ZNF536: variants seen among roughly 807,000 people sequenced by gnomAD.
The protein encoded by ZNF536 is zinc finger protein 536.
A neutral mutation model predicts 84.5 loss-of-function variants in ZNF536; 13 were observed. That is an observed-to-expected ratio of 0.15 (90% CI 0.10 to 0.24). The LOEUF is 0.24. Among genes scored for constraint, ZNF536 ranks in the 10% least tolerant of loss-of-function variants. The pLI, the probability that ZNF536 is intolerant of heterozygous loss-of-function variation, is 1.00. For missense variants in ZNF536, 1,536 were observed against 1,747.5 expected (o/e 0.88, Z 2.16); for synonymous variants, 811 against 742.5 (o/e 1.09, Z -1.50).
chr19:30,374,822 C>T (rs1185488607), intron 1 of ZNF536, among the ~76,000 whole-genome samples: 3 of 150,860 alleles, frequency 2.0e-5, no homozygotes, highest in African/African-American at 7.3e-5. Flanking sequence ...GGGCGGATTG[C>T]GAGCCCCCGC....
At chr19:30,317,931 G>C (rs2046733119) in intron 2 of ZNF536, among the ~76,000 whole-genome samples, 2 of 152,110 alleles carry the variant, frequency 1.3e-5, no homozygotes, top group Admixed American at 6.5e-5. Flanking sequence ...ATAAATATTT[G>C]CTTTCTAGAA....
At chr19:30,446,548 C>A (rs2052358437) in intron 2 of ZNF536, among the ~76,000 whole-genome samples, 1 of 152,110 alleles carries the variant, frequency 6.6e-6, no homozygotes, top group Admixed American at 6.6e-5. Context: ...CCTCCCCAAG[C>A]CAAACCTATC....
intron 1 of ZNF536, among the ~76,000 whole-genome samples, chr19:30,237,802 T>C (rs2023650942): frequency 6.6e-6 from 1 of 152,194 alleles, no homozygotes; most frequent in South Asian, 2.1e-4. Context: ...ATTTAACTTT[T>C]AGGGTTGCTT....
intron 2 of ZNF536, among the ~76,000 whole-genome samples, chr19:30,331,292 TAAAA>T (rs11324495): frequency 1.5e-3 from 64 of 41,738 alleles, no homozygotes; most frequent in African/African-American, 6.1e-3. Context: ...CCCTGTATCT[TAAAA>T]AAAAAAAAAA....
intron 1 of ZNF536, among the ~76,000 whole-genome samples, chr19:30,661,148 C>A (rs1208607201): frequency 2.0e-5 from 3 of 152,090 alleles, no homozygotes; most frequent in African/African-American, 7.2e-5. Context: ...CTTGGAGTTG[C>A]AAGTTGAAAA....
At chr19:30,607,441 C>T (rs973359959) in intron 1 of ZNF536, among the ~76,000 whole-genome samples, 11 of 151,800 alleles carry the variant, frequency 7.2e-5, no homozygotes, top group Admixed American at 2.6e-4. Flanking sequence ...AAAAAGTAGC[C>T]GGGCACAGTG....
At chr19:30,482,059 G>A (rs940073381) in intron 2 of ZNF536, among the ~76,000 whole-genome samples, 13 of 152,068 alleles carry the variant, frequency 8.5e-5, no homozygotes, top group African/African-American at 1.2e-4. Context: ...TTATACTTTC[G>A]TTGATCAGTG....
chr19:30,282,146 C>A (rs1347416336), intron 1 of ZNF536, among the ~76,000 whole-genome samples: 4 of 152,242 alleles, frequency 2.6e-5, no homozygotes, highest in African/African-American at 7.2e-5. Flanking sequence ...ACACCAGGAG[C>A]CTCCTCCTGT....
At chr19:30,602,622 A>G (rs1320676967) in intron 1 of ZNF536, among the ~76,000 whole-genome samples, 3 of 152,200 alleles carry the variant, frequency 2.0e-5, no homozygotes, top group Non-Finnish European at 4.4e-5. Context: ...CCACGTGTGC[A>G]TATTTTCATC....
chr19:30,261,084 G>C (rs1261445459), intron 1 of ZNF536, among the ~76,000 whole-genome samples: 1 of 151,904 alleles, frequency 6.6e-6, no homozygotes, highest in African/African-American at 2.4e-5. Flanking sequence ...GGATCACGAG[G>C]TCAGGAGATC....
chr19:30,514,243 A>G (rs2055539973), intron 2 of ZNF536, among the ~76,000 whole-genome samples: 1 of 152,138 alleles, frequency 6.6e-6, no homozygotes, highest in African/African-American at 2.4e-5. Context: ...TCCACATCCA[A>G]CTGGGTGGTT....
rs113093035 is a variant in ZNF536, at chr19:30,593,011, G to A, written c.169+43497G>A. On this transcript the variant is annotated intron_variant, in intron 1 of 1. Transcript: ENST00000592773. ...CATCTTCTCCCATATACCTGGAGCC[G>A]AACCCTTCATTAGACCTGTTGTAAA... Among the ~76,000 whole-genome samples the A allele has an allele frequency of 7.9e-5, 12 of 152,298 alleles. 1 individual carries two copies. Among genetic ancestry groups the A allele is most frequent in the African/African-American group, 2.6e-4 (11 of 41,574 alleles).
intron 2 of ZNF536, 105 bp from the exon 3 acceptor site, chr19:30,534,742 G>C: frequency 8.7e-7 from 1 of 1,150,988 alleles, no homozygotes; most frequent in Non-Finnish European, 1.2e-6. Context: ...GAAATAGACA[G>C]GTGTAGTATT....
chr19:30,379,295 G>A (rs1363575768), intron 1 of ZNF536, among the ~76,000 whole-genome samples: 1 of 152,112 alleles, frequency 6.6e-6, no homozygotes, highest in Non-Finnish European at 1.5e-5. Context: ...AGCTCCCGGT[G>A]AGGATAAGAA....
chr19:30,598,973 T>TTCCCCCCC (rs1568589308), intron 1 of ZNF536, among the ~76,000 whole-genome samples: 1 of 66,024 alleles, frequency 1.5e-5, no homozygotes, highest in African/African-American at 4.7e-5. Flanking sequence ...CCTTCCCTCC[T>TTCCCCCCC]TCCCTCCCTC....
intron 2 of ZNF536, among the ~76,000 whole-genome samples, chr19:30,465,524 A>G (rs950393682): frequency 6.6e-6 from 1 of 152,168 alleles, no homozygotes; most frequent in African/African-American, 2.4e-5. Context: ...CCCTTATCAC[A>G]TCGCCAGCAC....
intron 2 of ZNF536, among the ~76,000 whole-genome samples, chr19:30,286,457 G>A (rs2045629680): frequency 6.6e-6 from 1 of 151,856 alleles, no homozygotes; most frequent in African/African-American, 2.4e-5. Flanking sequence ...CTAGAGGGTG[G>A]GGGAGCAAGG....
At chr19:30,440,745 C>T (rs1361000264) in intron 1 of ZNF536, among the ~76,000 whole-genome samples, 3 of 152,042 alleles carry the variant, frequency 2.0e-5, no homozygotes, top group Non-Finnish European at 4.4e-5. Flanking sequence ...CTCAGACCCA[C>T]AAGAATAAGA....
intron 2 of ZNF536, among the ~76,000 whole-genome samples, chr19:30,320,476 T>C (rs1025384357): frequency 2.6e-5 from 4 of 152,154 alleles, no homozygotes; most frequent in African/African-American, 4.8e-5. Context: ...ACTTCCTCAA[T>C]TCTTTGTCCT....
Sources: allele counts gnomAD v4.1 joint callset (sites outside exome capture counted in the v4.1 genomes callset), GRCh38; gene constraint gnomAD v4.1.1; transcripts MANE v1.5; gene names NCBI Gene and HGNC (gene_info 2026-07-23, HGNC 2026-07-21).